The following IL15RA variants were observed in gnomAD, a reference collection of about 807,000 sequenced individuals.
The protein encoded by IL15RA is interleukin-15 receptor subunit alpha.
A neutral mutation model predicts 24.2 loss-of-function variants in IL15RA; 26 were observed. That is an observed-to-expected ratio of 1.07 (90% CI 0.79 to 1.49). The LOEUF (loss-of-function observed/expected upper bound fraction) is 1.49, where lower values mean the gene tolerates loss of function less well. Among genes scored for constraint, IL15RA ranks in the 40% most tolerant of loss-of-function variants. IL15RA has a pLI of 0.00. For missense variants in IL15RA, 354 were observed against 356.4 expected, an observed-to-expected ratio of 0.99 and a Z score of 0.05; for synonymous variants, 166 against 157.6, an observed-to-expected ratio of 1.05 and a Z score of -0.40.
intron 1 of IL15RA, among the ~76,000 whole-genome samples, chr10:5,972,218 C>T (rs936656734): frequency 2.6e-5 from 4 of 152,176 alleles, no homozygotes; most frequent in African/African-American, 9.7e-5. Context: ...TCAGGGACTC[C>T]CCACTGCACA....
chr10:5,974,030 C>T (rs992642882), intron 1 of IL15RA, among the ~76,000 whole-genome samples: 9 of 151,922 alleles, frequency 5.9e-5, no homozygotes, highest in Non-Finnish European at 8.8e-5. Context: ...AAGACAGTCT[C>T]GCTCTGTGTC....
intron 5 of IL15RA, among the ~76,000 whole-genome samples, chr10:5,957,567 C>T (rs1364507986): frequency 1.3e-5 from 2 of 151,156 alleles, no homozygotes; most frequent in Non-Finnish European, 2.9e-5. Context: ...AACCACCACG[C>T]CTGGCCAACT....
At chr10:5,954,017 A>G (rs963937172) in intron 6 of IL15RA, 1 of 152,178 alleles carries the variant, frequency 6.6e-6, no homozygotes, top group Non-Finnish European at 1.5e-5. Flanking sequence ...ATAAGGCAGG[A>G]TGGGGGTCAA....
chr10:5,951,141 CAAAAAAAAAAAAAAAAAAA>C (rs60771366), downstream of IL15RA, among the ~76,000 whole-genome samples: 1 of 35,922 alleles, frequency 2.8e-5, no homozygotes, highest in East Asian at 9.7e-4. Flanking sequence ...GACTCAGTCT[CAAAAAAAAAAAAAAAAAAA>C]AAAAAAAAAA....
rs1836832308 is a variant in IL15RA at position 5,967,776 on chromosome 10, A to G, written c.89-1437T>C. 6.6e-6 allele frequency among the ~76,000 whole-genome samples: 1 copy of G among 152,158 alleles called. No homozygotes were observed. The highest frequency in any genetic ancestry group is 1.5e-5 in the Non-Finnish European group (1 of 68,026). The stretch of plus-strand genomic sequence containing the variant: ...GCCGGAAGTAAATTCGATAAAGAAT[A>G]GGCTGGGTGCGGTAGCTCACGCCTG... On this transcript the variant is annotated intron_variant, in intron 1 of 6. Transcript: ENST00000379977. This position sits in a 1 kb window ranked among gnomAD's most constrained non-coding sequence, Gnocchi z 4.4.
rs753277130 is a variant in IL15RA at position 5,960,480 on chromosome 10, G to A, written c.470C>T (p.Ser157Leu). Residue 157 changes from serine to leucine, a missense_variant, in exon 4 of 7, where the codon TCA (serine) becomes TTA (leucine). Transcript: ENST00000379977. This position sits in a 1 kb window ranked among gnomAD's most constrained non-coding sequence, Gnocchi z 5.1. ...VPGSQLMPSK[S>L]PSTGTTEISS... is the part of the protein sequence containing the mutation. ...TATCTCTGTGGTTCCTGTGGAAGGT[G>A]ATTTTGAAGGCATCAGCTGGGAGCC... The A allele has an allele frequency of 4.3e-6, 7 of 1,614,066 alleles. No individual in the cohort carries two copies. The highest frequency in any genetic ancestry group is 5.9e-6 in the Non-Finnish European group (7 of 1,180,018).
rs8177665 is a variant in IL15RA at position 5,970,942 on chromosome 10, G to A, written c.89-4603C>T. ...TACCTGGCTAATTTTTTTTTTCCTAGAGATGGGGTCTCACCATGTTGCCCA... is the reference window on the plus strand; with the variant it reads ...TACCTGGCTAATTTTTTTTTTCCTAAAGATGGGGTCTCACCATGTTGCCCA... On this transcript the variant is annotated intron_variant, in intron 1 of 6. Transcript: ENST00000379977. The surrounding 1 kb of genome is among the most constrained non-coding windows in gnomAD (Gnocchi z 4.1). Among the ~76,000 whole-genome samples the A allele has an allele frequency of 0.029, 4,368 of 151,516 alleles. 209 individuals carry two copies. Among genetic ancestry groups the A allele is most frequent in the African/African-American group, 0.099 (4,104 of 41,256 alleles).
chr10:5,959,170 C>A lies in IL15RA; in HGVS notation c.616+584G>T, dbSNP rs1233793531. Among the ~76,000 whole-genome samples the A allele has an allele frequency of 1.4e-5, 2 of 138,222 alleles. No homozygotes were observed. Among genetic ancestry groups the A allele is most frequent in the East Asian group, 2.0e-4 (1 of 4,898 alleles). 90.7% of individuals were successfully genotyped at this position (138,222 alleles called of 152,430 possible). A position where few individuals can be genotyped will look rare whatever the true frequency, so the allele number is the denominator to read the frequency against. On this transcript the variant is annotated intron_variant, in intron 5 of 6. Transcript: ENST00000379977. The surrounding 1 kb of genome is among the most constrained non-coding windows in gnomAD (Gnocchi z 4.1). ...GTTAACTTTTTTTCTTTTTCTTTTTCTTTTTTTTTTTTTTTAATAGAGATG... is the reference window on the plus strand; with the variant it reads ...GTTAACTTTTTTTCTTTTTCTTTTTATTTTTTTTTTTTTTTAATAGAGATG...
intron 1 of IL15RA, 102 bp downstream of exon 1, chr10:5,977,303 C>G (rs539825103): frequency 1.0e-5 from 5 of 492,204 alleles, no homozygotes; most frequent in African/African-American, 8.0e-5. Context: ...GGCACCGACG[C>G]CCCCGCACGG....
rs1165659273 is a variant in IL15RA, at chr10:5,975,545, A to G, written c.88+1860T>C. ...TTATCAAAGTGTGCAACTTCAATAT[A>G]TGCAGTTTATTGTCGGTCAATTATA... On this transcript the variant is annotated intron_variant, in intron 1 of 6. Transcript: ENST00000379977. The surrounding 1 kb of genome is among the most constrained non-coding windows in gnomAD (Gnocchi z 4.8). Among the ~76,000 whole-genome samples, 1 of 151,848 alleles carries G rather than the reference A, an allele frequency of 6.6e-6. No individual in the cohort carries two copies. The highest frequency in any genetic ancestry group is 1.5e-5 in the Non-Finnish European group (1 of 67,968).
Position 5,952,765 on chromosome 10 carries a change from G to T in IL15RA, c.*330C>A. 1 of 338,896 alleles carries T rather than the reference G, an allele frequency of 3.0e-6. No individual in the cohort carries two copies. The highest frequency in any genetic ancestry group is 5.4e-6 in the Non-Finnish European group (1 of 186,202). 21.0% of individuals were successfully genotyped at this position (338,896 alleles called of 1,614,324 possible). A position where few individuals can be genotyped will look rare whatever the true frequency, so the allele number is the denominator to read the frequency against. ...ATGAGGGACGGAAGATTCGGGGCAGGGTTTTTATTTCATTACCACATGTAT... is the reference window on the plus strand; with the variant it reads ...ATGAGGGACGGAAGATTCGGGGCAGTGTTTTTATTTCATTACCACATGTAT... On this transcript the variant is annotated 3_prime_UTR_variant, in exon 7 of 7. Transcript: ENST00000379977.
At chr10:5,949,061 T>A (rs1169479439), downstream of IL15RA, 3 of 355,548 alleles carry the variant, frequency 8.4e-6, no homozygotes, top group East Asian at 2.2e-4. The surrounding 1 kb of genome is among the most constrained non-coding windows in gnomAD (Gnocchi z 4.4). Context: ...ATGGAGAGGA[T>A]TCACTGGGCT....
chr10:5,969,419 G>A (rs760299505), intron 1 of IL15RA, among the ~76,000 whole-genome samples: 23 of 151,684 alleles, frequency 1.5e-4, no homozygotes, highest in Non-Finnish European at 2.9e-4. Flanking sequence ...GTCTCCCAGC[G>A]GGGAGTGCAG....
rs1267195916 is a variant in IL15RA, at chr10:5,970,127, A to G, written c.89-3788T>C. ...TTCTCTGAGTATGTTTTATGATTCC[A>G]TTTTATCTCCTTTGTTGGTTATTAA... On this transcript the variant is annotated intron_variant, in intron 1 of 6. Transcript: ENST00000379977. The surrounding 1 kb of genome is among the most constrained non-coding windows in gnomAD (Gnocchi z 4.1). Among the ~76,000 whole-genome samples the G allele has an allele frequency of 6.6e-6, 1 of 152,072 alleles. No individual in the cohort carries two copies. The highest frequency in any genetic ancestry group is 6.5e-5 in the Admixed American group (1 of 15,274).
chr10:5,959,972 GA>G lies in IL15RA; in HGVS notation c.584-187del, dbSNP rs570034215. Among the ~76,000 whole-genome samples, 21 of 152,318 alleles carry G rather than the reference GA, an allele frequency of 1.4e-4. No homozygotes were observed. The South Asian group carries it at 4.3e-3, about 32-fold the overall frequency. The stretch of plus-strand genomic sequence containing the variant: ...TCACTGAGGTGCTGGCCACACTTAA[GA>G]ATCAGATAAGCCTTACAGAAGGTCC... On this transcript the variant is annotated intron_variant, in intron 4 of 6. Transcript: ENST00000379977. This position sits in a 1 kb window ranked among gnomAD's most constrained non-coding sequence, Gnocchi z 4.1.
chr10:5,961,592 G>A lies in IL15RA; in HGVS notation c.383-1025C>T, dbSNP rs578077113. ...GCCTGGGCTCTGGCCTGAACTCTCCGGGCTGTGTGGGAGGAAAGCGTCCTG... is the reference window on the plus strand; with the variant it reads ...GCCTGGGCTCTGGCCTGAACTCTCCAGGCTGTGTGGGAGGAAAGCGTCCTG... On this transcript the variant is annotated intron_variant, in intron 3 of 6. Transcript: ENST00000379977. This position sits in a 1 kb window ranked among gnomAD's most constrained non-coding sequence, Gnocchi z 5.2. Among the ~76,000 whole-genome samples, 7 of 152,352 alleles carry A rather than the reference G, an allele frequency of 4.6e-5. No individual in the cohort carries two copies. The highest frequency in any genetic ancestry group is 1.0e-4 in the Non-Finnish European group (7 of 68,038).
rs1344851567 is a variant in IL15RA, at chr10:5,962,986, T to C, written c.382+757A>G. ...TGTTGAAACACAGGACACTGGCAGC[T>C]TCAGGCAGCGCCTCTATAATAGAGC... On this transcript the variant is annotated intron_variant, in intron 3 of 6. Transcript: ENST00000379977. This position sits in a 1 kb window ranked among gnomAD's most constrained non-coding sequence, Gnocchi z 5.2. Among the ~76,000 whole-genome samples, 1 of 152,226 alleles carries C rather than the reference T, an allele frequency of 6.6e-6. No homozygotes were observed. The highest frequency in any genetic ancestry group is 1.9e-4 in the East Asian group (1 of 5,206).
At position 5,958,884 on chromosome 10, in the gene IL15RA, GGA is replaced by G. The variant is rs1341983921; in HGVS notation, c.616+868_616+869del. Among the ~76,000 whole-genome samples, 3 of 151,976 alleles carry G rather than the reference GGA, an allele frequency of 2.0e-5. No homozygotes were observed. Among genetic ancestry groups the G allele is most frequent in the Non-Finnish European group, 2.9e-5 (2 of 68,000 alleles). On this transcript the variant is annotated intron_variant, in intron 5 of 6. Transcript: ENST00000379977. The surrounding 1 kb of genome is among the most constrained non-coding windows in gnomAD (Gnocchi z 4.3). ...TTACAGTTGGGTTTTTTGTTACTTT[GGA>G]AGCTTGTCAGCCTGGAGCATGACTT...
chr10:5,960,654 T>C lies in IL15RA; in HGVS notation c.383-87A>G, dbSNP rs527887735. The C allele has an allele frequency of 2.3e-5, 26 of 1,145,450 alleles. No homozygotes were observed. The highest frequency in any genetic ancestry group is 2.6e-5 in the Non-Finnish European group (20 of 777,406). 71.0% of individuals were successfully genotyped at this position (1,145,450 alleles called of 1,614,324 possible). A position where few individuals can be genotyped will look rare whatever the true frequency, so the allele number is the denominator to read the frequency against. ...GCACGGGGTGATGTGGGAGCTGCCATAGTGAGTCACCCTGACCAGCCCTCC... is the reference window on the plus strand; with the variant it reads ...GCACGGGGTGATGTGGGAGCTGCCACAGTGAGTCACCCTGACCAGCCCTCC... On this transcript the variant is annotated intron_variant, in intron 3 of 6. Transcript: ENST00000379977. The surrounding 1 kb of genome is among the most constrained non-coding windows in gnomAD (Gnocchi z 5.1).
Sources: allele counts gnomAD v4.1 joint callset (sites outside exome capture counted in the v4.1 genomes callset), GRCh38; gene constraint gnomAD v4.1.1; non-coding constraint Gnocchi (gnomAD v3.1); transcripts MANE v1.5; gene names NCBI Gene and HGNC (gene_info 2026-07-23, HGNC 2026-07-21).